Variants in BCAR3 observed in about 807,000 individuals in gnomAD.
BCAR3 encodes the protein breast cancer anti-estrogen resistance protein 3.
BCAR3 carries 37 observed loss-of-function variants against 80.1 expected under a neutral mutation model. The observed-to-expected ratio is 0.46, with a 90% confidence interval of 0.36 to 0.61. BCAR3 has a LOEUF of 0.61. Ranked by LOEUF, BCAR3 falls within the 20% of genes least tolerant of loss-of-function variation. The pLI is 0.00. For missense variants in BCAR3, 978 were observed against 1,068.2 expected, an observed-to-expected ratio of 0.92 and a Z score of 1.18; for synonymous variants, 389 against 418.9, an observed-to-expected ratio of 0.93 and a Z score of 0.87.
intron 7 of BCAR3, among the ~76,000 whole-genome samples, chr1:93,579,453 C>T (rs902282340): frequency 1.3e-5 from 2 of 152,190 alleles, no homozygotes; most frequent in Non-Finnish European, 2.9e-5. Context: ...AGCTCCTGCT[C>T]GCTGCCTGGG....
At chr1:93,636,939 AT>A (rs1255390295) in intron 3 of BCAR3, among the ~76,000 whole-genome samples, 3 of 152,092 alleles carry the variant, frequency 2.0e-5, no homozygotes, top group Non-Finnish European at 4.4e-5. Flanking sequence ...TCTACAAAAA[AT>A]AAAAAAAAAT....
intron 2 of BCAR3, among the ~76,000 whole-genome samples, chr1:93,834,133 C>G (rs1477880119): frequency 6.6e-6 from 1 of 152,160 alleles, no homozygotes; most frequent in African/African-American, 2.4e-5. Flanking sequence ...TGCCAATATC[C>G]CATCCCACAG....
intron 2 of BCAR3, among the ~76,000 whole-genome samples, chr1:93,766,847 C>T (rs1652168108): frequency 6.6e-6 from 1 of 152,158 alleles, no homozygotes; most frequent in Non-Finnish European, 1.5e-5. Context: ...CTGCTTTAAG[C>T]TTCAAGACAT....
At chr1:93,645,360 T>A (rs1036971747) in intron 2 of BCAR3, among the ~76,000 whole-genome samples, 3 of 152,156 alleles carry the variant, frequency 2.0e-5, no homozygotes, top group Non-Finnish European at 2.9e-5. Context: ...CTCTGTAGGT[T>A]TTATGGCACC....
chr1:93,827,433 G>C (rs555139982), intron 2 of BCAR3, among the ~76,000 whole-genome samples: 64 of 152,036 alleles, frequency 4.2e-4, no homozygotes, highest in Non-Finnish European at 8.8e-4. Flanking sequence ...ACATAGCAGG[G>C]GAGTCTAGCA....
chr1:93,727,240 A>G (rs1650626076), intron 2 of BCAR3, among the ~76,000 whole-genome samples: 1 of 152,164 alleles, frequency 6.6e-6, no homozygotes, highest in African/African-American at 2.4e-5. Context: ...TTAATTTGGA[A>G]CCACATAAGC....
chr1:93,780,153 C>CT (rs901511782), intron 2 of BCAR3, among the ~76,000 whole-genome samples: 2 of 152,168 alleles, frequency 1.3e-5, no homozygotes, highest in Non-Finnish European at 2.9e-5. Flanking sequence ...CCTTTGCCAC[C>CT]TTTTTCATGG....
chr1:93,674,799 A>G lies in BCAR3; in HGVS notation c.132T>C (p.Asp44=). Reference sequence around the variant, plus strand: ...GTGGAAGGGTGCCATGTATAGACACATCTTGATAGGCATCTGGGCGATGCT... The same window carrying G: ...GTGGAAGGGTGCCATGTATAGACACGTCTTGATAGGCATCTGGGCGATGCT... ...LAEHRPDAYQ[D]VSIHGTLPRK... is the part of the protein sequence containing the mutation. The change falls in exon 2 of 12, where the codon GAT becomes GAC. Residue 44 remains aspartate, a synonymous_variant. Coordinates refer to ENST00000260502, the MANE Select transcript of BCAR3 (RefSeq NM_003567.4). 6.2e-7 allele frequency: 1 copy of G among 1,610,324 alleles called. No individual in the cohort carries two copies. The highest frequency in any genetic ancestry group is 1.7e-5 in the Admixed American group (1 of 58,992).
chr1:93,769,000 G>T (rs1264997391), intron 2 of BCAR3, among the ~76,000 whole-genome samples: 2 of 152,156 alleles, frequency 1.3e-5, no homozygotes, highest in Admixed American at 6.5e-5. Flanking sequence ...TCTGAGTGTC[G>T]CCCTTTGTCC....
chr1:93,658,413 T>C (rs1647491195), intron 2 of BCAR3, among the ~76,000 whole-genome samples: 3 of 151,884 alleles, frequency 2.0e-5, no homozygotes, highest in Admixed American at 6.6e-5. Context: ...AAAGAATCTA[T>C]GCAGAGCTAC....
chr1:93,761,134 A>G (rs1651930070), intron 2 of BCAR3, among the ~76,000 whole-genome samples: 1 of 152,180 alleles, frequency 6.6e-6, no homozygotes, highest in Admixed American at 6.5e-5. Context: ...TGTGGAGTAG[A>G]ATCCTGCTGG....
intron 3 of BCAR3, among the ~76,000 whole-genome samples, chr1:93,612,987 G>T (rs1388102582): frequency 6.6e-6 from 1 of 152,178 alleles, no homozygotes; most frequent in Non-Finnish European, 1.5e-5. Flanking sequence ...GAAAGAAGCA[G>T]AACATCATAA....
intron 8 of BCAR3, among the ~76,000 whole-genome samples, chr1:93,573,376 C>T (rs1256020437): frequency 6.8e-6 from 1 of 147,220 alleles, no homozygotes. Context: ...GCCTGGGTAA[C>T]TAGAGAGACT....
intron 3 of BCAR3, among the ~76,000 whole-genome samples, chr1:93,605,231 G>A (rs1674740219): frequency 6.6e-6 from 1 of 152,224 alleles, no homozygotes; most frequent in Non-Finnish European, 1.5e-5. Context: ...CCACACTTCA[G>A]AGGAAGGCCG....
chr1:93,761,845 A>G (rs1195442937), intron 2 of BCAR3, among the ~76,000 whole-genome samples: 3 of 152,064 alleles, frequency 2.0e-5, no homozygotes, highest in African/African-American at 7.3e-5. Flanking sequence ...TCCATTGATT[A>G]CATCAATAGC....
chr1:93,726,241 A>AT (rs748457135), intron 2 of BCAR3, among the ~76,000 whole-genome samples: 9 of 150,860 alleles, frequency 6.0e-5, no homozygotes, highest in East Asian at 3.9e-4. Context: ...ATTTAAATAT[A>AT]TTTTTTTTTG....
rs972393619 is a variant in BCAR3, at chr1:93,681,723, A to C, written c.-137T>G. The C allele has an allele frequency of 6.6e-6, 1 of 151,336 alleles. No homozygotes were observed. The highest frequency in any genetic ancestry group is 6.6e-5 in the Admixed American group (1 of 15,230). 9.4% of individuals were successfully genotyped at this position (151,336 alleles called of 1,614,324 possible). On this transcript the variant is annotated 5_prime_UTR_variant, in exon 1 of 12. The change abolishes an upstream ATG in the 5' untranslated region. Coordinates refer to ENST00000260502, the MANE Select transcript of BCAR3 (RefSeq NM_003567.4). ...GCTGCTCCCGGAGCTGGGGACGCTCATGGTCCGCGGGGCGTGCCCGCCGAG... is the reference window on the plus strand; with the variant it reads ...GCTGCTCCCGGAGCTGGGGACGCTCCTGGTCCGCGGGGCGTGCCCGCCGAG...
Position 93,582,826 on chromosome 1 carries a change from C to A in BCAR3, c.1161G>T (p.Arg387Ser), listed in dbSNP as rs1174002822. The A allele has an allele frequency of 6.2e-7, 1 of 1,613,896 alleles. No individual in the cohort carries two copies. The highest frequency in any genetic ancestry group is 1.7e-5 in the Admixed American group (1 of 60,020). ...CTGATCCCCTCAGCGCCTCCCCAGC[C>A]CTGGCGTCTGAGGAGACCCTCCGAA... Reference protein sequence around the residue: ...AVVRRVSSDARAGEALRGSDS... With the variant: ...AVVRRVSSDASAGEALRGSDS... The change falls in exon 7 of 12, where the codon AGG becomes AGT. Residue 387 changes from arginine (R) to serine (S), a missense_variant. Arg to Ser is a moderately radical substitution (Grantham distance 110). Coordinates refer to ENST00000260502, the MANE Select transcript of BCAR3 (RefSeq NM_003567.4).
chr1:93,609,851 G>A (rs1251851196), intron 3 of BCAR3, among the ~76,000 whole-genome samples: 2 of 152,230 alleles, frequency 1.3e-5, no homozygotes, highest in African/African-American at 4.8e-5. Context: ...GGATAACTTC[G>A]ACTAATTCAC....
Sources: allele counts gnomAD v4.1 joint callset (sites outside exome capture counted in the v4.1 genomes callset), GRCh38; gene constraint gnomAD v4.1.1; transcripts MANE v1.5; gene names NCBI Gene and HGNC (gene_info 2026-07-23, HGNC 2026-07-21).